The following SLC9A8 variants were observed in gnomAD, a reference collection of about 807,000 sequenced individuals.
SLC9A8 encodes solute carrier family 9 member A8.
In SLC9A8, 48 loss-of-function variants were observed where a neutral mutation model predicts 66.6. The observed-to-expected ratio is 0.72, with a 90% CI of 0.57 to 0.92. The LOEUF is 0.92. SLC9A8 is among the 40% of genes least tolerant of loss of function. The pLI, the probability that SLC9A8 is intolerant of heterozygous loss-of-function variation, is 0.00. For missense variants in SLC9A8, 599 were observed against 747.3 expected, an observed-to-expected ratio of 0.80 and a Z score of 2.31; for synonymous variants, 274 against 282.6, an observed-to-expected ratio of 0.97 and a Z score of 0.31.
At chr20:49,852,473 C>T (rs1278324492) in intron 7 of SLC9A8, among the ~76,000 whole-genome samples, 1 of 152,176 alleles carries the variant, frequency 6.6e-6, no homozygotes, top group Non-Finnish European at 1.5e-5. Flanking sequence ...AACTTCGTTG[C>T]ACACGTTTTG....
chr20:49,859,030 T>C (rs1600742569), intron 8 of SLC9A8, among the ~76,000 whole-genome samples: 2 of 152,016 alleles, frequency 1.3e-5, no homozygotes, highest in East Asian at 3.9e-4. Context: ...CTGTGGAGCA[T>C]GCATGTATAG....
intron 12 of SLC9A8, among the ~76,000 whole-genome samples, chr20:49,879,203 T>G (rs932713142): frequency 6.6e-6 from 1 of 151,930 alleles, no homozygotes; most frequent in African/African-American, 2.4e-5. Flanking sequence ...CAACTCAGTT[T>G]TCTCTAAGCA....
Position 49,821,813 on chromosome 20 carries a change from G to A in SLC9A8, c.209-1248G>A, listed in dbSNP as rs561757530. 2.6e-5 allele frequency among the ~76,000 whole-genome samples: 4 copies of A among 152,154 alleles called. No homozygotes were observed. The East Asian group carries it at 5.8e-4, about 22-fold the overall frequency. On this transcript the variant is annotated intron_variant, in intron 2 of 15. Coordinates refer to ENST00000361573, the MANE Select transcript of SLC9A8 (RefSeq NM_015266.3). ...GGGGCAGAAATATCCCTTTCAAATC[G>A]TTTTATTTTACATCTTCTTATTTTC...
intron 3 of SLC9A8, among the ~76,000 whole-genome samples, chr20:49,835,825 AC>A (rs1366756230): frequency 6.6e-6 from 1 of 150,912 alleles, no homozygotes; most frequent in Non-Finnish European, 1.5e-5. Context: ...AGCTGTAATT[AC>A]AGGTGCCCGC....
chr20:49,887,023 C>T (rs947224680), intron 15 of SLC9A8, 125 bp downstream of exon 15: 8 of 1,015,418 alleles, frequency 7.9e-6, no homozygotes, highest in Non-Finnish European at 1.1e-5. Context: ...GCCCGCCAGG[C>T]CGCCGCCTCC....
chr20:49,867,544 A>T (rs541866020), intron 10 of SLC9A8, among the ~76,000 whole-genome samples: 2 of 152,194 alleles, frequency 1.3e-5, no homozygotes, highest in Non-Finnish European at 2.9e-5. Flanking sequence ...ACTGATCAGT[A>T]TCAGTCAAAG....
intron 10 of SLC9A8, among the ~76,000 whole-genome samples, chr20:49,874,120 G>A (rs894077060): frequency 6.6e-6 from 1 of 152,092 alleles, no homozygotes; most frequent in African/African-American, 2.4e-5. Context: ...GCATGGTGAT[G>A]CGTGCCTGTA....
chr20:49,890,301 A>G lies in SLC9A8; in HGVS notation c.*2365A>G, dbSNP rs986427511. On this transcript the variant is annotated 3_prime_UTR_variant, in exon 16 of 16. Transcript: ENST00000361573. ...CTGGGTCAGTTTTTTTTGCCTGAGAATAACAAATTGCTGCTGTCTACCTTT... is the reference window on the plus strand; with the variant it reads ...CTGGGTCAGTTTTTTTTGCCTGAGAGTAACAAATTGCTGCTGTCTACCTTT... 1.3e-5 allele frequency: 2 copies of G among 152,222 alleles called. No individual in the cohort carries two copies. The highest frequency in any genetic ancestry group is 2.9e-5 in the Non-Finnish European group (2 of 68,042). The allele number at this position is 152,222 out of a possible 1,614,324, so 9.4% of individuals were successfully genotyped here. A position where few individuals can be genotyped will look rare whatever the true frequency, so the allele number is the denominator to read the frequency against.
intron 13 of SLC9A8, among the ~76,000 whole-genome samples, chr20:49,882,789 C>T (rs1172595501): frequency 5.9e-5 from 9 of 152,216 alleles, no homozygotes; most frequent in Admixed American, 4.6e-4. Flanking sequence ...TTACATGTCC[C>T]GTGTCACTGA....
chr20:49,824,966 G>A (rs2086864802), intron 3 of SLC9A8, among the ~76,000 whole-genome samples: 1 of 152,192 alleles, frequency 6.6e-6, no homozygotes. Context: ...AGATAGTAAT[G>A]AGACATTTCC....
chr20:49,870,265 A>C (rs958601868), intron 10 of SLC9A8, among the ~76,000 whole-genome samples: 27 of 152,242 alleles, frequency 1.8e-4, no homozygotes, highest in Non-Finnish European at 4.4e-5. Flanking sequence ...AAGCAAACCC[A>C]TACAACAATT....
chr20:49,838,844 C>T (rs889402808), intron 3 of SLC9A8, among the ~76,000 whole-genome samples: 4 of 152,158 alleles, frequency 2.6e-5, no homozygotes, highest in East Asian at 3.9e-4. Context: ...TCTACTTGGG[C>T]GTCTTTATTT....
At chr20:49,824,782 G>C (rs993869385) in intron 3 of SLC9A8, among the ~76,000 whole-genome samples, 1 of 152,096 alleles carries the variant, frequency 6.6e-6, no homozygotes, top group Non-Finnish European at 1.5e-5. Context: ...GCTCAAGGAA[G>C]ATGGGCCCCT....
chr20:49,851,455 C>G (rs1344095882), intron 7 of SLC9A8, among the ~76,000 whole-genome samples: 1 of 152,224 alleles, frequency 6.6e-6, no homozygotes, highest in Non-Finnish European at 1.5e-5. Flanking sequence ...AAAAAGTGCC[C>G]ATGCTGAGCA....
At chr20:49,851,348 C>T (rs1034827212) in intron 7 of SLC9A8, among the ~76,000 whole-genome samples, 6 of 152,170 alleles carry the variant, frequency 3.9e-5, no homozygotes, top group Non-Finnish European at 7.4e-5. Context: ...GAGCACTTCC[C>T]ATGAGCCCCA....
intron 4 of SLC9A8, among the ~76,000 whole-genome samples, chr20:49,842,392 C>T (rs1038901417): frequency 6.6e-6 from 1 of 152,140 alleles, no homozygotes; most frequent in African/African-American, 2.4e-5. Flanking sequence ...GGCAACATTA[C>T]AGTACTATTT....
At chr20:49,877,480 A>G (rs564189325) in intron 11 of SLC9A8, among the ~76,000 whole-genome samples, 25 of 152,282 alleles carry the variant, frequency 1.6e-4, no homozygotes, top group African/African-American at 5.5e-4. Context: ...GGAGTTAGCA[A>G]TGAGTCTCAC....
At chr20:49,884,166 T>G (rs763744024) in intron 14 of SLC9A8, 100 bp downstream of exon 14, 15 of 957,358 alleles carry the variant, frequency 1.6e-5, no homozygotes, top group Admixed American at 4.0e-5. Flanking sequence ...CTTGCTTTCT[T>G]GCTTTGAGGA....
intron 10 of SLC9A8, among the ~76,000 whole-genome samples, chr20:49,871,803 T>C (rs60223112): frequency 0.092 from 13,953 of 152,270 alleles, 814 homozygotes; most frequent in African/African-American, 0.16. Flanking sequence ...GTGGCAGCTG[T>C]GGTCCAGTCT....
Sources: gnomAD v4.1 joint callset for allele counts (sites outside exome capture counted in the v4.1 genomes callset) on GRCh38, gnomAD v4.1.1 for gene constraint, MANE v1.5 for transcripts, NCBI Gene and HGNC (gene_info 2026-07-23, HGNC 2026-07-21) for gene names.